Variants in OR51B5 observed in about 807,000 individuals in gnomAD.
OR51B5 encodes the protein olfactory receptor 51B5.
For missense variants in OR51B5, 456 were observed against 374.6 expected (o/e 1.22, Z -1.79); for synonymous variants, 186 against 144.8 (o/e 1.28, Z -2.04).
At chr11:5,379,102 C>T (rs1013451598) in intron 1 of OR51B5, among the ~76,000 whole-genome samples, 1 of 151,414 alleles carries the variant, frequency 6.6e-6, no homozygotes, top group African/African-American at 2.4e-5. Flanking sequence ...GAAAATGTGG[C>T]ACATATACAC....
At chr11:5,346,920 G>C (rs1190451100), upstream of OR51B5, 1 of 152,132 alleles carries the variant, frequency 6.6e-6, no homozygotes, top group Non-Finnish European at 1.5e-5. Context: ...TCTGTGAAGA[G>C]AAGCAGTCAC....
chr11:5,421,986 G>A (rs990440026), intron 1 of OR51B5: 4 of 515,246 alleles, frequency 7.8e-6, no homozygotes, highest in African/African-American at 5.7e-5. Context: ...CCGTCATCAA[G>A]GGAAGATTAG....
Position 5,489,103 on chromosome 11 carries a change from T to C in OR51B5, n.84+16466A>G, listed in dbSNP as rs774397439. ...TAGGTATGTGGCTATCTGTAACCCA[T>C]TAAGGTACACAACCATTCTCAACCA... is the stretch of plus-strand genomic sequence containing the variant. On this transcript the variant is annotated intron_variant and non_coding_transcript_variant, in intron 1 of 4. Transcript: ENST00000415970. 6.2e-6 allele frequency: 10 copies of C among 1,613,982 alleles called. No homozygotes were observed. In the South Asian group the frequency reaches 1.1e-4, roughly 18 times the overall value.
At chr11:5,479,129 C>G (rs1478172874) in intron 1 of OR51B5, among the ~76,000 whole-genome samples, 1 of 149,242 alleles carries the variant, frequency 6.7e-6, no homozygotes, top group Admixed American at 6.7e-5. Context: ...GGGTTACCCT[C>G]AAAGGGAAGC....
chr11:5,401,756 C>T (rs948962028), intron 1 of OR51B5, among the ~76,000 whole-genome samples: 2 of 152,156 alleles, frequency 1.3e-5, no homozygotes, highest in East Asian at 3.9e-4. Flanking sequence ...TCAAGGCAGT[C>T]ATTTCTCTCT....
At chr11:5,463,748 A>G (rs1043080315) in intron 1 of OR51B5, among the ~76,000 whole-genome samples, 2 of 152,246 alleles carry the variant, frequency 1.3e-5, no homozygotes, top group African/African-American at 4.8e-5. Context: ...TGAAGGACTC[A>G]GTGACCCTGG....
chr11:5,341,542 T>A (rs1848892868), downstream of OR51B5, among the ~76,000 whole-genome samples: 1 of 152,184 alleles, frequency 6.6e-6, no homozygotes, highest in Admixed American at 6.5e-5. Flanking sequence ...AACCTCCCTC[T>A]TTTTAGGATA....
At chr11:5,414,892 C>G (rs1204678882) in intron 1 of OR51B5, among the ~76,000 whole-genome samples, 1 of 152,194 alleles carries the variant, frequency 6.6e-6, no homozygotes, top group Non-Finnish European at 1.5e-5. Flanking sequence ...CAAGGATACA[C>G]AGGAACTGAA....
chr11:5,505,247 T>C (rs1846354562), intron 1 of OR51B5: 11 of 1,165,996 alleles, frequency 9.4e-6, no homozygotes, highest in Non-Finnish European at 1.1e-5. Context: ...ACATTGCTAT[T>C]AGGTTTTTTG....
At chr11:5,454,171 C>G in intron 1 of OR51B5, 1 of 1,613,612 alleles carries the variant, frequency 6.2e-7, no homozygotes, top group African/African-American at 1.3e-5. Context: ...GTCATGGCCA[C>G]TGCTTCCCGT....
intron 1 of OR51B5, among the ~76,000 whole-genome samples, chr11:5,473,819 G>A (rs1377438129): frequency 2.0e-5 from 3 of 151,538 alleles, no homozygotes; most frequent in African/African-American, 7.3e-5. Context: ...TTAAATTATA[G>A]GACAAAAAAT....
chr11:5,457,687 T>C (rs1041750163), intron 1 of OR51B5, among the ~76,000 whole-genome samples: 2 of 152,248 alleles, frequency 1.3e-5, no homozygotes, highest in East Asian at 1.9e-4. Flanking sequence ...TGATATCTCA[T>C]TGAGGTTTTC....
chr11:5,387,629 C>T (rs1589968487), intron 1 of OR51B5, among the ~76,000 whole-genome samples: 2 of 152,168 alleles, frequency 1.3e-5, no homozygotes, highest in African/African-American at 4.8e-5. Flanking sequence ...CATTCCCCAC[C>T]TTGCTTCCTC....
intron 1 of OR51B5, among the ~76,000 whole-genome samples, chr11:5,471,008 A>G (rs2133801085): frequency 6.6e-6 from 1 of 152,362 alleles, no homozygotes; most frequent in Admixed American, 6.5e-5. Flanking sequence ...TCAAGTCCTT[A>G]CCATGGATCA....
At chr11:5,470,816 A>C (rs1851217422) in intron 1 of OR51B5, among the ~76,000 whole-genome samples, 2 of 152,212 alleles carry the variant, frequency 1.3e-5, no homozygotes, top group East Asian at 3.9e-4. Context: ...TCATCCCTCA[A>C]CATCTTCAAC....
chr11:5,422,341 CCTCA>C (rs1564808273), intron 1 of OR51B5: 1 of 1,614,174 alleles, frequency 6.2e-7, no homozygotes, highest in South Asian at 1.1e-5. Flanking sequence ...ATACCACCAT[CCTCA>C]CTGTCATTCG....
intron 1 of OR51B5, among the ~76,000 whole-genome samples, chr11:5,379,710 G>A (rs1458068645): frequency 1.3e-5 from 2 of 151,356 alleles, no homozygotes; most frequent in African/African-American, 2.4e-5. Context: ...TCCAGATGTT[G>A]AAACATTCAG....
intron 1 of OR51B5, among the ~76,000 whole-genome samples, chr11:5,477,659 C>T (rs2975555): frequency 0.46 from 70,066 of 151,740 alleles, 16,881 homozygotes; most frequent in East Asian, 0.61. Flanking sequence ...GTGCGCGCAC[C>T]GTGCGCGAGC....
At chr11:5,413,933 C>T (rs4910561) in intron 1 of OR51B5, among the ~76,000 whole-genome samples, 116,531 of 142,678 alleles carry the variant, frequency 0.82, 48,510 homozygotes, top group Non-Finnish European at 0.89. Context: ...ATACAGAGAA[C>T]GCCACAAAGA....
Sources: allele counts gnomAD v4.1 joint callset (sites outside exome capture counted in the v4.1 genomes callset), GRCh38; gene constraint gnomAD v4.1.1; transcripts MANE v1.5; gene names NCBI Gene and HGNC (gene_info 2026-07-23, HGNC 2026-07-21).